TSPAN2: variants seen among roughly 807,000 people sequenced by gnomAD.
TSPAN2 encodes tetraspanin 2.
A neutral mutation model predicts 33.3 loss-of-function variants in TSPAN2; 24 were observed. The ratio of observed to expected loss-of-function variants is 0.72; its 90% CI spans 0.52 to 1.01. The LOEUF is 1.01. Among genes scored for constraint, TSPAN2 ranks in the 50% least tolerant of loss-of-function variants. TSPAN2 has a pLI of 0.00. For missense variants in TSPAN2, 278 were observed against 281.3 expected (o/e 0.99, Z 0.08); for synonymous variants, 114 against 104.5 (o/e 1.09, Z -0.56).
intron 1 of TSPAN2, among the ~76,000 whole-genome samples, chr1:115,077,249 T>C (rs956648487): frequency 5.9e-5 from 9 of 151,666 alleles, no homozygotes; most frequent in African/African-American, 1.5e-4. Context: ...ACCGGTTGTA[T>C]GTGAGGTACT....
intron 5 of TSPAN2, chr1:115,058,130 G>A (rs1204824894): frequency 6.2e-6 from 1 of 160,514 alleles, no homozygotes. Context: ...GAACCTGTGT[G>A]CTGCTTCAGG....
At chr1:115,089,305 G>A (rs1648964112) in intron 1 of TSPAN2, 59 bp downstream of exon 1, 2 of 1,379,304 alleles carry the variant, frequency 1.5e-6, no homozygotes, top group East Asian at 2.8e-5. Context: ...GGGGACCCCG[G>A]CCCCGCGCCC....
intron 1 of TSPAN2, among the ~76,000 whole-genome samples, chr1:115,081,574 G>A (rs180903846): frequency 1.3e-3 from 193 of 152,278 alleles, no homozygotes; most frequent in South Asian, 3.7e-3. Context: ...TACGCATTTG[G>A]GTTTGAATCA....
At chr1:115,083,011 A>G (rs1557885718) in intron 1 of TSPAN2, among the ~76,000 whole-genome samples, 1 of 152,222 alleles carries the variant, frequency 6.6e-6, no homozygotes, top group Non-Finnish European at 1.5e-5. Flanking sequence ...AAACTGAAGC[A>G]TTGTTATTTT....
chr1:115,050,032 A>C lies in TSPAN2; in HGVS notation c.*458T>G, dbSNP rs903697803. ...ACTCCATTGTGATCTCTCAATTCTT[A>C]CAGCTTATTACTTCCATTAAGAAGA... On this transcript the variant is annotated 3_prime_UTR_variant, in exon 8 of 8. Transcript: ENST00000369516. The C allele has an allele frequency of 4.6e-6, 1 of 219,000 alleles. No individual in the cohort carries two copies. Among genetic ancestry groups the C allele is most frequent in the African/African-American group, 2.4e-5 (1 of 41,800 alleles). 13.6% of individuals were successfully genotyped at this position (219,000 alleles called of 1,614,324 possible).
chr1:115,059,019 G>A (rs780179374), intron 4 of TSPAN2, 38 bp from the exon 5 acceptor site: 3 of 1,517,100 alleles, frequency 2.0e-6, no homozygotes, highest in South Asian at 1.1e-5. Flanking sequence ...ACTTCTGGGT[G>A]GGAAGTTTCA....
intron 3 of TSPAN2, among the ~76,000 whole-genome samples, chr1:115,060,859 A>C (rs924540728): frequency 6.6e-6 from 1 of 152,230 alleles, no homozygotes; most frequent in African/African-American, 2.4e-5. Context: ...AAATCCCACC[A>C]CCTAGAACAC....
intron 2 of TSPAN2, among the ~76,000 whole-genome samples, chr1:115,063,434 G>A (rs903515107): frequency 6.6e-6 from 1 of 152,212 alleles, no homozygotes; most frequent in African/African-American, 2.4e-5. Flanking sequence ...ATGTTGGCAA[G>A]GCTGGGAGTA....
intron 1 of TSPAN2, 94 bp downstream of exon 1, chr1:115,089,270 A>T (rs993848194): frequency 1.0e-5 from 12 of 1,162,082 alleles, no homozygotes; most frequent in African/African-American, 3.2e-5. Flanking sequence ...CACGAGCGCG[A>T]CTCGGACGCC....
intron 2 of TSPAN2, among the ~76,000 whole-genome samples, chr1:115,063,880 G>T (rs1647834454): frequency 1.3e-5 from 2 of 152,112 alleles, no homozygotes; most frequent in Non-Finnish European, 2.9e-5. Flanking sequence ...ATAAAGATGG[G>T]AATGATAGAT....
At chr1:115,084,276 G>A (rs1236542020) in intron 1 of TSPAN2, among the ~76,000 whole-genome samples, 1 of 152,178 alleles carries the variant, frequency 6.6e-6, no homozygotes, top group Non-Finnish European at 1.5e-5. Context: ...GATATTAGTA[G>A]TTTATTATGT....
At chr1:115,060,219 T>G (rs991326768) in intron 4 of TSPAN2, among the ~76,000 whole-genome samples, 2 of 152,168 alleles carry the variant, frequency 1.3e-5, no homozygotes, top group Non-Finnish European at 2.9e-5. Context: ...TTTTTTGGTT[T>G]TATTATAGAC....
At position 115,089,364 on chromosome 1, in the gene TSPAN2, C is replaced by A. The variant is rs1311534736; in HGVS notation, c.69G>T (p.Trp23Cys). 2 of 1,585,956 alleles carry A rather than the reference C, an allele frequency of 1.3e-6. No homozygotes were observed. The highest frequency in any genetic ancestry group is 1.7e-6 in the Non-Finnish European group (2 of 1,167,506). The change falls in exon 1 of 8, where the codon TGG becomes TGT. Residue 23 changes from tryptophan (W) to cysteine (C), a missense_variant and splice_region_variant. Physicochemically the swap from Trp to Cys is radical, Grantham distance 215. Transcript: ENST00000369516. ...CGGCCCTCCCGGCTCCTGGTCTCAC[C>A]CAGAAGAGCAGGTTGAAGCCAAGCA... Reference protein sequence around the residue: ...YLLLGFNLLFWLAGSAVIAFG... With the variant: ...YLLLGFNLLFCLAGSAVIAFG...
chr1:115,053,313 G>T, intron 7 of TSPAN2, 66 bp downstream of exon 7: 1 of 1,419,766 alleles, frequency 7.0e-7, no homozygotes, highest in Non-Finnish European at 9.9e-7. Flanking sequence ...CACTTGAAAA[G>T]AAATAAGATG....
At chr1:115,063,465 G>T (rs1031150285) in intron 2 of TSPAN2, among the ~76,000 whole-genome samples, 1 of 152,224 alleles carries the variant, frequency 6.6e-6, no homozygotes, top group Admixed American at 6.5e-5. Flanking sequence ...TTTATACAAT[G>T]TTGCGAATGT....
rs553526407 is a variant in TSPAN2, at chr1:115,050,488, C to T, written c.*2G>A. 2 of 1,613,648 alleles carry T rather than the reference C, an allele frequency of 1.2e-6. No individual in the cohort carries two copies. The highest frequency in any genetic ancestry group is 1.7e-6 in the Non-Finnish European group (2 of 1,179,712). ...GATTGCAATTTTCATGTAGAAGTAG[C>T]TTCATATCACATCTCGTGAGTTTCG... On this transcript the variant is annotated 3_prime_UTR_variant, in exon 8 of 8. Transcript: ENST00000369516.
At chr1:115,057,742 A>C in intron 5 of TSPAN2, 134 bp from the exon 6 acceptor site, 1 of 746,176 alleles carries the variant, frequency 1.3e-6, no homozygotes, top group South Asian at 1.5e-5. Context: ...CCAGACTGCT[A>C]TTTCTGGAAG....
intron 2 of TSPAN2, among the ~76,000 whole-genome samples, chr1:115,062,473 C>T (rs1302546726): frequency 6.6e-6 from 1 of 152,170 alleles, no homozygotes; most frequent in Non-Finnish European, 1.5e-5. Context: ...AAAGCCTGCC[C>T]AACACTCCGA....
chr1:115,061,498 T>A (rs968796851), intron 3 of TSPAN2, among the ~76,000 whole-genome samples: 1 of 152,214 alleles, frequency 6.6e-6, no homozygotes, highest in Non-Finnish European at 1.5e-5. Flanking sequence ...AGCACTTCCC[T>A]GGCTATAGAA....
Sources: allele counts gnomAD v4.1 joint callset (sites outside exome capture counted in the v4.1 genomes callset), GRCh38; gene constraint gnomAD v4.1.1; transcripts MANE v1.5; gene names NCBI Gene and HGNC (gene_info 2026-07-23, HGNC 2026-07-21).